FANCB: variants seen among roughly 807,000 people sequenced by gnomAD.
The protein encoded by FANCB is Fanconi anemia group B protein.
Under a neutral mutation model 38.9 loss-of-function variants are expected in FANCB, and 5 were observed. The ratio of observed to expected loss-of-function variants is 0.13; its 90% confidence interval spans 0.07 to 0.27. The LOEUF is 0.27. Among genes scored for constraint, FANCB ranks in the 10% least tolerant of loss-of-function variants. FANCB has a pLI of 1.00. For missense variants in FANCB, 573 were observed against 602.7 expected (o/e 0.95, Z 0.52); for synonymous variants, 236 against 215.4 (o/e 1.10, Z -0.84).
Position 14,855,545 on chromosome X carries a change from G to A in FANCB, c.1197+2317C>T, listed in dbSNP as rs73201605. Among the ~76,000 whole-genome samples, 581 of 111,317 alleles carry A rather than the reference G, an allele frequency of 5.2e-3. 2 individuals are homozygous for A. The highest frequency in any genetic ancestry group is 8.2e-3 in the Non-Finnish European group (436 of 52,988). ...TTTGGATAATTTTTCTCATATATTC[G>A]GGGTCACTAATTTGCTCTGTATCTC... On this transcript the variant is annotated intron_variant, in intron 5 of 9. Coordinates refer to ENST00000650831, the MANE Select transcript of FANCB (RefSeq NM_001018113.3).
chrX:14,829,182 G>A, the FANCB span, among the ~76,000 whole-genome samples: 2 of 111,882 alleles, frequency 1.8e-5, no homozygotes, highest in Non-Finnish European at 3.8e-5. Context: ...CATTGTCAAT[G>A]AGCAGTAATA....
the FANCB span, among the ~76,000 whole-genome samples, chrX:14,754,546 CT>C: frequency 9.0e-6 from 1 of 111,568 alleles, no homozygotes; most frequent in African/African-American, 3.3e-5. Flanking sequence ...ATTGTAAGGA[CT>C]CATGCCCTTA....
chrX:14,795,336 C>G, the FANCB span, among the ~76,000 whole-genome samples: 2 of 112,341 alleles, frequency 1.8e-5, no homozygotes, highest in Admixed American at 9.5e-5. Context: ...TGCATTCACT[C>G]ATATATTTAA....
At chrX:14,826,985 A>T in the FANCB span, among the ~76,000 whole-genome samples, 2 of 111,644 alleles carry the variant, frequency 1.8e-5, no homozygotes, top group Non-Finnish European at 3.8e-5. Context: ...ATGGCTACTT[A>T]GATTTCCTAA....
chrX:14,714,167 G>A, the FANCB span, among the ~76,000 whole-genome samples: 1 of 110,062 alleles, frequency 9.1e-6, no homozygotes, highest in Non-Finnish European at 1.9e-5. Context: ...TAGGTGTAGG[G>A]GAGGCTAGAA....
the FANCB span, among the ~76,000 whole-genome samples, chrX:14,733,843 T>A: frequency 8.9e-6 from 1 of 112,104 alleles, no homozygotes; most frequent in East Asian, 2.8e-4. Context: ...CTCTTCCTGT[T>A]TGAATACCCA....
chrX:14,690,651 G>GTCTT, the FANCB span: 1 of 861,630 alleles, frequency 1.2e-6, no homozygotes, highest in Non-Finnish European at 1.7e-6. Flanking sequence ...GGCTTTCATA[G>GTCTT]TCTTTCTTTC....
At chrX:14,708,775 A>G in the FANCB span, among the ~76,000 whole-genome samples, 1 of 111,667 alleles carries the variant, frequency 9.0e-6, no homozygotes, top group Non-Finnish European at 1.9e-5. Flanking sequence ...CGTCTCTACT[A>G]AAAATACAAA....
At chrX:14,699,661 A>T in the FANCB span, among the ~76,000 whole-genome samples, 2 of 111,727 alleles carry the variant, frequency 1.8e-5, no homozygotes, top group Middle Eastern at 4.6e-3. Flanking sequence ...AGAAGACCAG[A>T]ACTTATTCCT....
chrX:14,745,788 C>T, the FANCB span, among the ~76,000 whole-genome samples: 825 of 102,394 alleles, frequency 8.1e-3, 20 homozygotes, highest in Admixed American at 0.081. Flanking sequence ...CAAGCTCCGC[C>T]TCCCGGGTTA....
the FANCB span, among the ~76,000 whole-genome samples, chrX:14,726,018 T>C: frequency 5.3e-5 from 6 of 112,459 alleles, no homozygotes; most frequent in African/African-American, 1.9e-4. Context: ...AGATGATGGA[T>C]AATTAATTGA....
chrX:14,723,122 TAC>T, the FANCB span, among the ~76,000 whole-genome samples: 1 of 112,237 alleles, frequency 8.9e-6, no homozygotes, highest in Non-Finnish European at 1.9e-5. Flanking sequence ...CTCTCTGAGT[TAC>T]AGACTGTCCA....
the FANCB span, among the ~76,000 whole-genome samples, chrX:14,723,738 TTTAATG>T: frequency 8.9e-6 from 1 of 111,839 alleles, no homozygotes; most frequent in Admixed American, 9.5e-5. Flanking sequence ...CCTTCACCTC[TTTAATG>T]CCTCTCATTT....
At chrX:14,759,268 G>A in the FANCB span, among the ~76,000 whole-genome samples, 1 of 111,780 alleles carries the variant, frequency 8.9e-6, no homozygotes. Context: ...TGAGGGAGAA[G>A]AGAAATGTAA....
intron 6 of FANCB, 47 bp downstream of exon 6, chrX:14,852,992 G>A (rs891114002): frequency 8.9e-7 from 1 of 1,122,897 alleles, no homozygotes; most frequent in Non-Finnish European, 1.2e-6. Context: ...ATAGCTTATA[G>A]ATTTTCAATT....
chrX:14,814,180 T>C, the FANCB span, among the ~76,000 whole-genome samples: 1 of 111,529 alleles, frequency 9.0e-6, no homozygotes, highest in Non-Finnish European at 1.9e-5. Context: ...TAATTCAAGA[T>C]GGATTAAAGA....
At chrX:14,712,672 G>A in the FANCB span, among the ~76,000 whole-genome samples, 2 of 107,012 alleles carry the variant, frequency 1.9e-5, no homozygotes, top group South Asian at 4.4e-4. Flanking sequence ...ATATGAATGT[G>A]GGGGAGTAAC....
the FANCB span, among the ~76,000 whole-genome samples, chrX:14,794,511 A>G: frequency 8.9e-6 from 1 of 112,273 alleles, no homozygotes; most frequent in Non-Finnish European, 1.9e-5. Context: ...AGACAATTAA[A>G]CTGCCAACAT....
chrX:14,846,875 A>T (rs1255304949), intron 7 of FANCB, among the ~76,000 whole-genome samples: 1 of 109,022 alleles, frequency 9.2e-6, no homozygotes, highest in Non-Finnish European at 1.9e-5. Flanking sequence ...ATTACAAAGG[A>T]CTTAGAGATA....
Sources: allele counts gnomAD v4.1 joint callset (sites outside exome capture counted in the v4.1 genomes callset), GRCh38; gene constraint gnomAD v4.1.1; transcripts MANE v1.5; gene names NCBI Gene and HGNC (gene_info 2026-07-23, HGNC 2026-07-21).